Variants in OTUD7A observed in about 807,000 individuals in gnomAD.
The protein encoded by OTUD7A is OTU deubiquitinase 7A.
Under a neutral mutation model 65.7 loss-of-function variants are expected in OTUD7A, and 12 were observed. The observed-to-expected ratio is 0.18, with a 90% CI of 0.12 to 0.30. The LOEUF is 0.30. Among genes scored for constraint, OTUD7A ranks in the 10% least tolerant of loss-of-function variants. OTUD7A has a pLI of 1.00. For missense variants in OTUD7A, 1,148 were observed against 1,304.8 expected (o/e 0.88, Z 1.85); for synonymous variants, 641 against 586.3 (o/e 1.09, Z -1.35).
At chr15:31,675,321 C>T (rs1219594672) in intron 1 of OTUD7A, among the ~76,000 whole-genome samples, 4 of 152,128 alleles carry the variant, frequency 2.6e-5, no homozygotes, top group Admixed American at 2.0e-4. Flanking sequence ...CCTGGAGTGC[C>T]TCATTCTCGT....
rs145407759 is a variant in OTUD7A at position 31,559,778 on chromosome 15, C to T, written c.332-591G>A. ...ACACACAAATACACAGGACACACAG[C>T]GCACATACATGTACATACATGCACA... On this transcript the variant is annotated intron_variant, in intron 4 of 12. Coordinates refer to ENST00000307050, the MANE Select transcript of OTUD7A (RefSeq NM_001382637.1). Among the ~76,000 whole-genome samples, 917 of 152,278 alleles carry T rather than the reference C, an allele frequency of 6.0e-3. 16 individuals carry two copies. The highest frequency in any genetic ancestry group is 7.0e-3 in the Non-Finnish European group (475 of 68,026).
rs188124927 is a variant in OTUD7A, at chr15:31,609,734, A to G, written c.152-39537T>C. Among the ~76,000 whole-genome samples, 961 of 152,266 alleles carry G rather than the reference A, an allele frequency of 6.3e-3. 5 individuals are homozygous for G. The highest frequency in any genetic ancestry group is 0.011 in the Non-Finnish European group (764 of 68,018). ...TACTAGCACAGCTGATGCTCTCTCG[A>G]AAGCGCTACCTCCCGTCAGGAGGCC... On this transcript the variant is annotated intron_variant, in intron 3 of 12. Transcript: ENST00000307050.
chr15:31,647,013 T>C (rs1160847574), intron 3 of OTUD7A, among the ~76,000 whole-genome samples: 2 of 152,220 alleles, frequency 1.3e-5, no homozygotes, highest in Non-Finnish European at 2.9e-5. Context: ...GGGAGTATCT[T>C]AGAATTCTGA....
At chr15:31,767,278 C>A in intron 1 of OTUD7A, 1 of 846,092 alleles carries the variant, frequency 1.2e-6, no homozygotes, top group Non-Finnish European at 2.0e-6. Flanking sequence ...CAAACAACTA[C>A]CACGAAATGA....
intron 3 of OTUD7A, among the ~76,000 whole-genome samples, chr15:31,588,080 G>A (rs766906441): frequency 2.0e-5 from 3 of 152,018 alleles, no homozygotes; most frequent in African/African-American, 4.8e-5. Flanking sequence ...CACTAAAGAT[G>A]CATACAGCAG....
At chr15:31,709,999 C>T (rs1318521761) in intron 1 of OTUD7A, among the ~76,000 whole-genome samples, 1 of 150,796 alleles carries the variant, frequency 6.6e-6, no homozygotes, top group East Asian at 2.0e-4. Context: ...TGTGTAAGTA[C>T]AGAAAAAGTT....
chr15:31,802,729 A>G (rs1441715125), intron 1 of OTUD7A, among the ~76,000 whole-genome samples: 2 of 152,222 alleles, frequency 1.3e-5, no homozygotes, highest in Non-Finnish European at 2.9e-5. Flanking sequence ...TTTTTAATAG[A>G]CCGGCTTATT....
At chr15:31,548,318 CT>C (rs1261870777) in intron 5 of OTUD7A, among the ~76,000 whole-genome samples, 14 of 151,098 alleles carry the variant, frequency 9.3e-5, no homozygotes, top group Non-Finnish European at 1.9e-4. Context: ...TGCTGGCTTT[CT>C]ACTTGGCCTC....
At chr15:31,767,469 G>C in intron 1 of OTUD7A, 1 of 772,956 alleles carries the variant, frequency 1.3e-6, no homozygotes, top group Non-Finnish European at 2.4e-6. Flanking sequence ...GCACTTCATG[G>C]CAGATAATAC....
At chr15:31,828,838 C>T (rs896687430) in intron 1 of OTUD7A, among the ~76,000 whole-genome samples, 3 of 152,170 alleles carry the variant, frequency 2.0e-5, no homozygotes, top group Non-Finnish European at 2.9e-5. Context: ...GCATCTCCCT[C>T]TCCCGCTTTA....
At chr15:31,758,482 T>C (rs1894874727) in intron 1 of OTUD7A, among the ~76,000 whole-genome samples, 1 of 152,224 alleles carries the variant, frequency 6.6e-6, no homozygotes, top group African/African-American at 2.4e-5. Context: ...CCCGACGCTC[T>C]TCTAACTGCA....
intron 1 of OTUD7A, among the ~76,000 whole-genome samples, chr15:31,803,656 C>T (rs886401001): frequency 5.3e-5 from 8 of 152,184 alleles, no homozygotes; most frequent in Admixed American, 4.6e-4. Context: ...TTCATTATGA[C>T]TCGGAAGACT....
intron 1 of OTUD7A, among the ~76,000 whole-genome samples, chr15:31,860,614 G>T: frequency 2.8e-5 from 2 of 72,186 alleles, no homozygotes; most frequent in African/African-American, 4.8e-5. Context: ...CTCGACCCCA[G>T]AAGTGGAGAT....
intron 1 of OTUD7A, among the ~76,000 whole-genome samples, chr15:31,800,917 G>C (rs370228813): frequency 2.6e-4 from 39 of 152,134 alleles, no homozygotes; most frequent in African/African-American, 8.4e-4. Context: ...TGTGCACATG[G>C]GCATCCCTCC....
chr15:31,611,626 C>T (rs1450827375), intron 3 of OTUD7A, among the ~76,000 whole-genome samples: 2 of 152,008 alleles, frequency 1.3e-5, no homozygotes, highest in Admixed American at 1.3e-4. Context: ...ATACCCTGAA[C>T]AGACCAATAA....
chr15:31,509,033 ATTAATG>A (rs1435905721), intron 8 of OTUD7A, among the ~76,000 whole-genome samples: 7 of 152,204 alleles, frequency 4.6e-5, no homozygotes, highest in South Asian at 2.1e-4. Flanking sequence ...TTAATGTGCT[ATTAATG>A]TTAAACTTTA....
At position 31,732,999 on chromosome 15, in the gene OTUD7A, A is replaced by G. The variant is rs564153152; in HGVS notation, c.-99-75922T>C. Among the ~76,000 whole-genome samples, 7 of 152,356 alleles carry G rather than the reference A, an allele frequency of 4.6e-5. No homozygotes were observed. The South Asian group carries it at 8.3e-4, about 18-fold the overall frequency. ...CTAATTGCTCCTTCACACAGCAGAC[A>G]AAACATAAGAATTAAAACTCAGCCA... On this transcript the variant is annotated intron_variant, in intron 1 of 12. Coordinates refer to ENST00000307050, the MANE Select transcript of OTUD7A (RefSeq NM_001382637.1).
chr15:31,759,846 T>C (rs1352572035), intron 1 of OTUD7A, among the ~76,000 whole-genome samples: 1 of 152,136 alleles, frequency 6.6e-6, no homozygotes, highest in East Asian at 1.9e-4. Flanking sequence ...CTTTTACACA[T>C]AATATTCATG....
chr15:31,563,788 G>C (rs923190522), intron 4 of OTUD7A, among the ~76,000 whole-genome samples: 2 of 152,224 alleles, frequency 1.3e-5, no homozygotes, highest in South Asian at 2.1e-4. Flanking sequence ...GCCCTCAGTA[G>C]ACAATCCAGC....
Sources: gnomAD v4.1 joint callset for allele counts (sites outside exome capture counted in the v4.1 genomes callset) on GRCh38, gnomAD v4.1.1 for gene constraint, MANE v1.5 for transcripts, NCBI Gene and HGNC (gene_info 2026-07-23, HGNC 2026-07-21) for gene names.